Variants in APC observed in about 807,000 individuals in gnomAD.
The protein encoded by APC is APC regulator of Wnt signaling pathway.
In APC, 72 loss-of-function variants were observed where a neutral mutation model predicts 247.0. That is an observed-to-expected ratio of 0.29 (90% CI 0.24 to 0.35). APC has a LOEUF of 0.35. APC is among the 10% of genes least tolerant of loss of function. APC has a pLI of 1.00. For synonymous variants in APC, 1,254 were observed against 1,162.5 expected (o/e 1.08, Z -1.60); for missense variants, 3,400 against 3,360.7 (o/e 1.01, Z -0.29).
At chr5:112,773,359 G>C (rs1757264496) in intron 4 of APC, among the ~76,000 whole-genome samples, 1 of 152,116 alleles carries the variant, frequency 6.6e-6, no homozygotes, top group Non-Finnish European at 1.5e-5. Flanking sequence ...ATCTGTAATA[G>C]AAAATATCTA....
intron 2 of APC, among the ~76,000 whole-genome samples, chr5:112,760,848 C>T (rs546219064): frequency 2.0e-5 from 3 of 151,276 alleles, no homozygotes; most frequent in South Asian, 4.2e-4. Context: ...CTCGCTCTGT[C>T]GCCCAGTCTG....
chr5:112,811,942 TCTA>T (rs1344951519), intron 8 of APC, among the ~76,000 whole-genome samples: 1 of 152,160 alleles, frequency 6.6e-6, no homozygotes, highest in Non-Finnish European at 1.5e-5. Context: ...AGGATCTGCT[TCTA>T]AGTTCACTTA....
chr5:112,821,241 C>T (rs1021513740), intron 10 of APC, among the ~76,000 whole-genome samples: 9 of 151,940 alleles, frequency 5.9e-5, no homozygotes, highest in African/African-American at 1.5e-4. Flanking sequence ...CACGGTGGCT[C>T]GTGCCTATAA....
At chr5:112,820,647 A>G (rs1041039147) in intron 10 of APC, among the ~76,000 whole-genome samples, 1 of 152,146 alleles carries the variant, frequency 6.6e-6, no homozygotes, top group African/African-American at 2.4e-5. Flanking sequence ...TGTACTCCTG[A>G]TATTTGTTCT....
chr5:112,717,090 A>C (rs1302998371), intron 1 of APC, among the ~76,000 whole-genome samples: 1 of 152,052 alleles, frequency 6.6e-6, no homozygotes, highest in African/African-American at 2.4e-5. Context: ...GGCTCACTGC[A>C]ACCTCTGCCT....
intron 1 of APC, among the ~76,000 whole-genome samples, chr5:112,743,730 G>A (rs1301512863): frequency 6.6e-6 from 1 of 152,098 alleles, no homozygotes; most frequent in Non-Finnish European, 1.5e-5. Context: ...CAGTTCTGTG[G>A]GCGCTTTGTT....
chr5:112,826,756 AC>A (rs1763706718), intron 11 of APC, among the ~76,000 whole-genome samples: 1 of 151,960 alleles, frequency 6.6e-6, no homozygotes, highest in African/African-American at 2.4e-5. Flanking sequence ...ATAATAAGTT[AC>A]CTTTTTCTGC....
rs1754802758 is a variant in APC, at chr5:112,755,012, C to T, written c.122C>T (p.Ala41Val). The stretch of plus-strand genomic sequence containing the variant: ...CATCTTACAAAACTGGAAACTGAGG[C>T]ATCTAATATGAAGGTATCAAGACTG... ...SNHLTKLETEASNMKEVLKQL... is the reference protein window; with the variant it reads ...SNHLTKLETEVSNMKEVLKQL... Residue 41 changes from alanine (A) to valine (V), a missense_variant, in exon 2 of 16, where the codon GCA (alanine) becomes GTA (valine). Ala to Val is a moderately conservative substitution (Grantham distance 64, BLOSUM62 0). Around this residue, in one of 9 missense-constraint regions of APC, gnomAD observed 372 missense variants for 367.6 expected, o/e 1.01. Coordinates refer to ENST00000257430, the MANE Select transcript of APC (RefSeq NM_000038.6). 6 of 1,613,432 alleles carry T rather than the reference C, an allele frequency of 3.7e-6. No individual in the cohort carries two copies. The South Asian group carries it at 6.6e-5, about 18-fold the overall frequency.
rs2149945419 is a variant in APC, at chr5:112,841,237, A to T, written c.5643A>T (p.Leu1881Phe). Residue 1881 changes from leucine (L) to phenylalanine (F), a missense_variant, in exon 16 of 16, where the codon TTA becomes TTT. By Grantham distance (22) the Leu-to-Phe change is conservative (BLOSUM62 0). This residue lies in a region of APC where 1,788 missense variants were observed against 1,649.5 expected (regional missense o/e 1.08). Transcript: ENST00000257430. This position sits in a 1 kb window ranked among gnomAD's most constrained non-coding sequence, Gnocchi z 4.6. ...ACCTTTCCAGGGAAAAGGCTGAATT[A>T]AGAAAGGCAAAAGAAAATAAGGAAT... The part of the protein sequence containing the change: ...DVDLSREKAE[L>F]RKAKENKESE... The T allele has an allele frequency of 3.1e-6, 5 of 1,613,826 alleles. No homozygotes were observed. Among genetic ancestry groups the T allele is most frequent in the Non-Finnish European group, 4.2e-6 (5 of 1,179,754 alleles).
At chr5:112,811,985 G>T (rs1354289939) in intron 8 of APC, among the ~76,000 whole-genome samples, 1 of 152,138 alleles carries the variant, frequency 6.6e-6, no homozygotes, top group Non-Finnish European at 1.5e-5. Flanking sequence ...ATCCTCATTG[G>T]ATGTCAGCCA....
In APC at chr5:112,812,211, G is replaced by A. The variant is rs370620622; in HGVS notation, c.835-3284G>A. ...CTAAAGGGGAAGGGATTACAAAAAC[G>A]CGTGAATACCAGGAGGCAAAGATCT... On this transcript the variant is annotated intron_variant, in intron 8 of 15. Transcript: ENST00000257430. Among the ~76,000 whole-genome samples the A allele has an allele frequency of 2.6e-5, 4 of 152,262 alleles. No homozygotes were observed. The South Asian group carries it at 8.3e-4, about 32-fold the overall frequency.
rs1422300065 is a variant in APC, at chr5:112,707,783, C to A, written c.66C>A (p.Leu22=). ...CCGCTTCTGTACCACCCTCAGTTCT[C>A]GGGTCCTGGAGCACCGGCGGCAGCA... is the stretch of plus-strand genomic sequence containing the variant. Residue 22 remains leucine, a synonymous_variant, in exon 1 of 14, where the codon CTC becomes CTA. Transcript: ENST00000507379. The A allele has an allele frequency of 3.6e-6, 5 of 1,370,642 alleles. No individual in the cohort carries two copies. The Middle Eastern group carries it at 7.7e-4, about 212-fold the overall frequency. 84.9% of individuals were successfully genotyped at this position (1,370,642 alleles called of 1,614,324 possible).
intron 1 of APC, among the ~76,000 whole-genome samples, chr5:112,709,181 A>G (rs190689078): frequency 5.9e-5 from 9 of 152,358 alleles, no homozygotes; most frequent in African/African-American, 2.2e-4. Flanking sequence ...TGTTAAGCAC[A>G]AACTATGCCT....
chr5:112,731,656 A>G (rs952026869), intron 1 of APC, among the ~76,000 whole-genome samples: 4 of 152,188 alleles, frequency 2.6e-5, no homozygotes, highest in African/African-American at 9.7e-5. Flanking sequence ...CACTGACCCT[A>G]CAATATTATT....
At chr5:112,786,541 A>G (rs1051561142) in intron 6 of APC, among the ~76,000 whole-genome samples, 2 of 152,174 alleles carry the variant, frequency 1.3e-5, no homozygotes, top group East Asian at 3.9e-4. Flanking sequence ...AATAGAGCTT[A>G]CTACTGGGAT....
chr5:112,797,008 TA>T (rs1760277880), intron 7 of APC, among the ~76,000 whole-genome samples: 1 of 152,140 alleles, frequency 6.6e-6, no homozygotes, highest in African/African-American at 2.4e-5. Flanking sequence ...TAGTACCATT[TA>T]TTAATAGTAA....
intron 1 of APC, among the ~76,000 whole-genome samples, chr5:112,730,424 G>T (rs983452106): frequency 2.0e-5 from 3 of 152,178 alleles, no homozygotes; most frequent in Non-Finnish European, 4.4e-5. Flanking sequence ...CTTTGAAGGC[G>T]GACTGCCATT....
chr5:112,759,356 CTTTTTTTTTTTT>C (rs887438895), intron 2 of APC, among the ~76,000 whole-genome samples: 3 of 122,358 alleles, frequency 2.5e-5, no homozygotes, highest in South Asian at 2.6e-4. Context: ...TTCTTTCTTT[CTTTTTTTTTTTT>C]TTTTTTTTGA....
At chr5:112,772,778 A>G (rs1226813331) in intron 4 of APC, among the ~76,000 whole-genome samples, 7 of 152,124 alleles carry the variant, frequency 4.6e-5, no homozygotes, top group African/African-American at 1.7e-4. Flanking sequence ...CAGCCTCCCA[A>G]AGTACTGGGA....
Sources: allele counts gnomAD v4.1 joint callset (sites outside exome capture counted in the v4.1 genomes callset), GRCh38; gene constraint gnomAD v4.1.1; regional missense constraint gnomAD v4.1.1; non-coding constraint Gnocchi (gnomAD v3.1); transcripts MANE v1.5; gene names NCBI Gene and HGNC (gene_info 2026-07-23, HGNC 2026-07-21).